Variants in ATRN observed in about 807,000 individuals in gnomAD.
The protein encoded by ATRN is attractin, also known as attractin-2.
In ATRN, 54 loss-of-function variants were observed where a neutral mutation model predicts 178.7. The observed-to-expected ratio is 0.30, with a 90% confidence interval of 0.24 to 0.38. The LOEUF (loss-of-function observed/expected upper bound fraction) is 0.38. Among genes scored for constraint, ATRN ranks in the 10% least tolerant of loss-of-function variants. The probability of loss-of-function intolerance (pLI) is 1.00; values close to 1 mark genes in which losing one functional copy is unlikely to be tolerated. For synonymous variants in ATRN, 636 were observed against 663.0 expected (o/e 0.96, Z 0.63); for missense variants, 1,443 against 1,815.1 (o/e 0.79, Z 3.73).
intron 1 of ATRN, among the ~76,000 whole-genome samples, chr20:3,532,857 G>A (rs2146174946): frequency 6.6e-6 from 1 of 152,140 alleles, no homozygotes; most frequent in Middle Eastern, 3.4e-3. Flanking sequence ...CTGCCTCCTG[G>A]GTTCACGCTA....
At chr20:3,605,072 C>T (rs1377606315) in intron 24 of ATRN, among the ~76,000 whole-genome samples, 1 of 152,156 alleles carries the variant, frequency 6.6e-6, no homozygotes, top group African/African-American at 2.4e-5. Context: ...GAAGCATGGT[C>T]ACTGGACGGA....
chr20:3,493,520 C>T (rs537022935), intron 1 of ATRN, among the ~76,000 whole-genome samples: 4 of 152,006 alleles, frequency 2.6e-5, no homozygotes, highest in Admixed American at 2.0e-4. Flanking sequence ...GTCTCAAGCT[C>T]CTGGCCTCAA....
In ATRN at chr20:3,648,911, AG is replaced by A. The variant is rs762768555; in HGVS notation, c.*2066del. ...AGGAAGATCCTCTTTGTTTGTTCAA[AG>A]GACCAGTTTTCCTAGGCCAAAGAAG... On this transcript the variant is annotated 3_prime_UTR_variant, in exon 29 of 29. Coordinates refer to ENST00000262919, the MANE Select transcript of ATRN (RefSeq NM_139321.3). 2.6e-5 allele frequency: 4 copies of A among 152,200 alleles called. No individual in the cohort carries two copies. Among genetic ancestry groups the A allele is most frequent in the Admixed American group, 6.5e-5 (1 of 15,268 alleles). The allele number at this position is 152,200 out of a possible 1,614,324, so 9.4% of individuals were successfully genotyped here.
intron 1 of ATRN, among the ~76,000 whole-genome samples, chr20:3,483,515 T>C (rs553982526): frequency 1.2e-3 from 177 of 152,176 alleles, no homozygotes; most frequent in African/African-American, 4.0e-3. Flanking sequence ...CCCAGCTAAT[T>C]TTTTGTGTTT....
In ATRN at chr20:3,649,264, A is replaced by G. The variant is rs1396674304; in HGVS notation, c.*2417A>G. On this transcript the variant is annotated 3_prime_UTR_variant, in exon 29 of 29. Transcript: ENST00000262919. ...GCGCGTCACAAGAGAGCCTGTATAT[A>G]AATTAAAATAGTCAAGACAACACTG... is the stretch of plus-strand genomic sequence containing the variant. The G allele has an allele frequency of 6.5e-6, 1 of 152,674 alleles. No individual in the cohort carries two copies. The highest frequency in any genetic ancestry group is 1.5e-5 in the Non-Finnish European group (1 of 68,046). 9.5% of individuals were successfully genotyped at this position (152,674 alleles called of 1,614,324 possible). A position where few individuals can be genotyped will look rare whatever the true frequency, so the allele number is the denominator to read the frequency against.
chr20:3,504,051 A>G (rs113423958), intron 1 of ATRN, among the ~76,000 whole-genome samples: 2 of 152,338 alleles, frequency 1.3e-5, no homozygotes, highest in African/African-American at 4.8e-5. Flanking sequence ...GAAATGTTAC[A>G]TTACCTATAG....
chr20:3,614,648 A>T (rs1365127966), intron 24 of ATRN, among the ~76,000 whole-genome samples: 1 of 152,168 alleles, frequency 6.6e-6, no homozygotes, highest in Non-Finnish European at 1.5e-5. Flanking sequence ...TTGAGACATC[A>T]TTTACATACC....
At position 3,525,635 on chromosome 20, in the gene ATRN, G is replaced by A. The variant is rs115317672; in HGVS notation, c.411-9618G>A. 2.0e-3 allele frequency among the ~76,000 whole-genome samples: 306 copies of A among 152,268 alleles called. 1 individual carries two copies. The highest frequency in any genetic ancestry group is 7.1e-3 in the African/African-American group (295 of 41,552). ...CAGGCCAATATCCTTGATAAGCATC[G>A]ATGCGAGAATCCTCAATAAAATACT... On this transcript the variant is annotated intron_variant, in intron 1 of 28. Transcript: ENST00000262919.
chr20:3,536,393 T>C (rs7267635), intron 2 of ATRN, among the ~76,000 whole-genome samples: 5,963 of 151,962 alleles, frequency 0.039, 159 homozygotes, highest in Non-Finnish European at 0.058. Flanking sequence ...TATCTTGTAG[T>C]AGAGACAGGG....
intron 1 of ATRN, among the ~76,000 whole-genome samples, chr20:3,473,628 A>G (rs912751540): frequency 5.3e-5 from 8 of 152,182 alleles, no homozygotes; most frequent in African/African-American, 1.9e-4. Context: ...AGGCCAGGGC[A>G]TTTTCCATTT....
At chr20:3,591,094 C>A in intron 18 of ATRN, 75 bp from the exon 19 acceptor site, 3 of 1,377,402 alleles carry the variant, frequency 2.2e-6, no homozygotes, top group Non-Finnish European at 2.9e-6. Flanking sequence ...GAGATAGTTG[C>A]AGATAAATCT....
In ATRN at chr20:3,572,948, A is replaced by T; in HGVS notation, c.2089A>T (p.Arg697Ter). The stretch of plus-strand genomic sequence containing the variant: ...GTTAAAATCAGAATGTTTTTCCAAA[A>T]GAAGTATGTTTTTTTTTCTCTACTT... ...EKLKSECFSK[R>*]TLDHDRCDQH... The change falls in exon 12 of 29, where the codon AGA (arginine) becomes TGA (stop). Residue 697 changes from arginine (R) to a stop codon, truncating the protein, a stop_gained. Coordinates refer to ENST00000262919, the MANE Select transcript of ATRN (RefSeq NM_139321.3). LOFTEE classifies it high-confidence loss of function. 6.2e-7 allele frequency: 1 copy of T among 1,613,180 alleles called. No individual in the cohort carries two copies. The highest frequency in any genetic ancestry group is 8.5e-7 in the Non-Finnish European group (1 of 1,179,424).
intron 1 of ATRN, among the ~76,000 whole-genome samples, chr20:3,521,008 A>G (rs1049601365): frequency 1.3e-5 from 2 of 152,204 alleles, no homozygotes; most frequent in African/African-American, 4.8e-5. Flanking sequence ...GGAACAGAAA[A>G]TGAAACACCG....
At chr20:3,516,013 A>G (rs2085201618) in intron 1 of ATRN, among the ~76,000 whole-genome samples, 1 of 152,212 alleles carries the variant, frequency 6.6e-6, no homozygotes, top group East Asian at 1.9e-4. Context: ...TGCCAGGCAT[A>G]CTTTTAGGCA....
At chr20:3,551,478 A>T (rs116330107) in intron 6 of ATRN, among the ~76,000 whole-genome samples, 2,415 of 152,144 alleles carry the variant, frequency 0.016, 64 homozygotes, top group African/African-American at 0.054. Context: ...TCACTTCCTG[A>T]TGTTTGTCAA....
In ATRN at chr20:3,607,473, A is replaced by G. The variant is rs141506772; in HGVS notation, c.3801+3211A>G. Reference sequence around the variant, plus strand: ...CTCCCACATCTGAGTGAGAAAACATATCTATCTTTCTGTGCCTGGCTTGTT... The same window carrying G: ...CTCCCACATCTGAGTGAGAAAACATGTCTATCTTTCTGTGCCTGGCTTGTT... On this transcript the variant is annotated intron_variant, in intron 24 of 28. Transcript: ENST00000262919. Among the ~76,000 whole-genome samples the G allele has an allele frequency of 2.3e-3, 354 of 152,300 alleles. 7 individuals are homozygous for G. The highest frequency in any genetic ancestry group is 8.1e-3 in the African/African-American group (337 of 41,574).
chr20:3,518,302 C>T (rs1037120324), intron 1 of ATRN, among the ~76,000 whole-genome samples: 5 of 152,298 alleles, frequency 3.3e-5, no homozygotes, highest in African/African-American at 2.4e-5. Flanking sequence ...CTGCAGGCTC[C>T]GTGCTTGGTA....
At chr20:3,560,488 A>T (rs143806044) in intron 7 of ATRN, among the ~76,000 whole-genome samples, 174 bp from the exon 8 acceptor site, 177 of 152,222 alleles carry the variant, frequency 1.2e-3, no homozygotes, top group African/African-American at 4.0e-3. Context: ...GTTCATTTCC[A>T]TTCTTTTGGA....
At chr20:3,537,112 A>G (rs1489843542) in intron 2 of ATRN, among the ~76,000 whole-genome samples, 2 of 152,240 alleles carry the variant, frequency 1.3e-5, no homozygotes. Flanking sequence ...ATTCCATTAC[A>G]TAATATTTTA....
Sources: allele counts gnomAD v4.1 joint callset (sites outside exome capture counted in the v4.1 genomes callset), GRCh38; gene constraint gnomAD v4.1.1; transcripts MANE v1.5; gene names NCBI Gene and HGNC (gene_info 2026-07-23, HGNC 2026-07-21).